SLC12A6: variants seen among roughly 807,000 people sequenced by gnomAD.
The protein encoded by SLC12A6 is K-Cl cotransporter 3.
A neutral mutation model predicts 135.3 loss-of-function variants in SLC12A6; 66 were observed. That is an observed-to-expected ratio of 0.49 (90% CI 0.40 to 0.60). The LOEUF is 0.60. Ranked by LOEUF, SLC12A6 falls within the 20% of genes least tolerant of loss-of-function variation. The probability of loss-of-function intolerance (pLI) is 0.00; values close to 1 mark genes in which losing one functional copy is unlikely to be tolerated. For missense variants in SLC12A6, 1,058 were observed against 1,452.3 expected (o/e 0.73, Z 4.41); for synonymous variants, 513 against 508.8 (o/e 1.01, Z -0.11).
chr15:34,284,651 T>C lies in SLC12A6; in HGVS notation c.272-9262A>G, dbSNP rs181166250. ...TGAGAACCTTCTACATGTGAAACAC[T>C]ATTCTAGTTACTAGAAATGTAGTAA... On this transcript the variant is annotated intron_variant, in intron 2 of 25. Coordinates refer to ENST00000354181, the MANE Select transcript of SLC12A6 (RefSeq NM_001365088.1). 3.9e-5 allele frequency among the ~76,000 whole-genome samples: 6 copies of C among 152,302 alleles called. No individual in the cohort carries two copies. The East Asian group carries it at 1.2e-3, about 29-fold the overall frequency.
At chr15:34,237,845 A>G (rs1891376880) in intron 21 of SLC12A6, among the ~76,000 whole-genome samples, 1 of 152,238 alleles carries the variant, frequency 6.6e-6, no homozygotes, top group South Asian at 2.1e-4. Context: ...CAATGACAAC[A>G]TGCAGACTAT....
At chr15:34,237,896 G>A (rs567769030) in intron 21 of SLC12A6, among the ~76,000 whole-genome samples, 2 of 152,208 alleles carry the variant, frequency 1.3e-5, no homozygotes, top group South Asian at 2.1e-4. Context: ...GTCTTACCAC[G>A]GAATGAGCGC....
chr15:34,273,157 C>A (rs1382046308), intron 3 of SLC12A6, among the ~76,000 whole-genome samples: 5 of 152,124 alleles, frequency 3.3e-5, no homozygotes. Context: ...TCGAGACCAG[C>A]CTGACCAATA....
chr15:34,243,408 A>G (rs968253640), intron 16 of SLC12A6, among the ~76,000 whole-genome samples: 1 of 152,318 alleles, frequency 6.6e-6, no homozygotes, highest in South Asian at 2.1e-4. Flanking sequence ...AAGAGGAAAG[A>G]GATGGGATGG....
At chr15:34,273,530 A>C (rs940679173) in intron 3 of SLC12A6, among the ~76,000 whole-genome samples, 2 of 152,212 alleles carry the variant, frequency 1.3e-5, no homozygotes, top group African/African-American at 4.8e-5. Context: ...ATGGTCTCAT[A>C]AACTCTTCTC....
intron 2 of SLC12A6, 45 bp from the exon 3 acceptor site, chr15:34,275,434 A>G (rs1032201731): frequency 1.9e-6 from 2 of 1,077,602 alleles, no homozygotes; most frequent in Non-Finnish European, 2.9e-6. Flanking sequence ...ATGAATGATC[A>G]AAACAAATAA....
At chr15:34,288,370 G>A (rs1020856014) in intron 2 of SLC12A6, among the ~76,000 whole-genome samples, 1 of 152,220 alleles carries the variant, frequency 6.6e-6, no homozygotes, top group Admixed American at 6.5e-5. Context: ...GTACCATGCT[G>A]TTTTGGATAC....
intron 3 of SLC12A6, among the ~76,000 whole-genome samples, chr15:34,262,123 A>G (rs182953560): frequency 6.6e-6 from 1 of 152,348 alleles, no homozygotes; most frequent in African/African-American, 2.4e-5. Flanking sequence ...CAAGTCCTGG[A>G]TAAATCCATG....
Position 34,265,917 on chromosome 15 carries a change from G to A in SLC12A6, c.317-4897C>T, listed in dbSNP as rs565382373. On this transcript the variant is annotated intron_variant, in intron 3 of 25. Coordinates refer to ENST00000354181, the MANE Select transcript of SLC12A6 (RefSeq NM_001365088.1). ...GAAAGACAGAAAGGAGCCAGACCACGTAAGTTAGTTAATGGATAGATTTTC... is the reference window on the plus strand; with the variant it reads ...GAAAGACAGAAAGGAGCCAGACCACATAAGTTAGTTAATGGATAGATTTTC... Among the ~76,000 whole-genome samples the A allele has an allele frequency of 7.3e-5, 11 of 151,542 alleles. No homozygotes were observed. In the South Asian group the frequency reaches 1.9e-3, roughly 26 times the overall value.
chr15:34,240,754 T>C lies in SLC12A6; in HGVS notation c.2343A>G (p.Ser781=). 6.2e-7 allele frequency: 1 copy of C among 1,613,854 alleles called. No homozygotes were observed. The change falls in exon 19 of 26, where the codon TCA becomes TCG. Residue 781 remains serine (S), a synonymous_variant. Coordinates refer to ENST00000354181, the MANE Select transcript of SLC12A6 (RefSeq NM_001365088.1). ...VKHPRLLTFA[S]QLKAGKGLTI... is the part of the protein sequence containing the mutation. ...TGAGACCTTTTCCTGCTTTGAGCTG[T>C]GAGGCAAAGGTGAGGAGGCGAGGAT...
At chr15:34,271,589 T>G (rs1893949524) in intron 3 of SLC12A6, among the ~76,000 whole-genome samples, 1 of 118,444 alleles carries the variant, frequency 8.4e-6, no homozygotes, top group South Asian at 2.9e-4. Flanking sequence ...AAAAATTTTT[T>G]TAAGTGCAAA....
chr15:34,315,796 G>A (rs898042486), intron 2 of SLC12A6, among the ~76,000 whole-genome samples: 9 of 152,008 alleles, frequency 5.9e-5, no homozygotes, highest in African/African-American at 1.7e-4. Context: ...TGGCTAACAC[G>A]GTGAAACCCC....
At position 34,263,489 on chromosome 15, in the gene SLC12A6, AT is replaced by A. The variant is rs200899185; in HGVS notation, c.317-2470del. ...ATTATTTTTGTACAAACCCTTCCAC[AT>A]TTTTTTTTAATGTTAAAAGAGGCAT... is the stretch of plus-strand genomic sequence containing the variant. On this transcript the variant is annotated intron_variant, in intron 3 of 25. Coordinates refer to ENST00000354181, the MANE Select transcript of SLC12A6 (RefSeq NM_001365088.1). 4.7e-3 allele frequency among the ~76,000 whole-genome samples: 705 copies of A among 150,626 alleles called. 23 individuals carry two copies. Among genetic ancestry groups the A allele is most frequent in the Admixed American group, 0.039 (586 of 15,138 alleles).
intron 3 of SLC12A6, among the ~76,000 whole-genome samples, chr15:34,268,616 T>G (rs1893684557): frequency 6.6e-6 from 1 of 152,214 alleles, no homozygotes; most frequent in African/African-American, 2.4e-5. Context: ...GAGTTCAGCC[T>G]TCAAAAGTTT....
intron 5 of SLC12A6, among the ~76,000 whole-genome samples, 167 bp downstream of exon 5, chr15:34,258,646 G>T (rs1387640742): frequency 1.3e-5 from 2 of 152,220 alleles, no homozygotes; most frequent in Non-Finnish European, 2.9e-5. Context: ...AATTTAGACT[G>T]CATCATATGT....
chr15:34,289,612 AC>A (rs1418543031), intron 2 of SLC12A6, among the ~76,000 whole-genome samples: 18 of 152,124 alleles, frequency 1.2e-4, no homozygotes, highest in African/African-American at 3.4e-4. Context: ...CTGGTCCTGG[AC>A]TTTTTTTGGT....
intron 2 of SLC12A6, among the ~76,000 whole-genome samples, chr15:34,293,165 C>T (rs921001598): frequency 6.6e-6 from 1 of 150,770 alleles, no homozygotes; most frequent in Non-Finnish European, 1.5e-5. Flanking sequence ...CCTTAAGATA[C>T]GTGTTTTTTA....
chr15:34,257,759 G>GAC lies in SLC12A6; in HGVS notation c.571_572dup (p.Tyr192SerfsTer12), dbSNP rs775111365. On this transcript the variant is annotated frameshift_variant, in exon 6 of 26. Coordinates refer to ENST00000354181, the MANE Select transcript of SLC12A6 (RefSeq NM_001365088.1). LOFTEE classifies it high-confidence loss of function. ...AAATATTTTGTAGACATGGGAGGTAGACACCCATGAAGGTACCCATTTGGG... is the reference window on the plus strand; with the variant it reads ...AAATATTTTGTAGACATGGGAGGTAGACACACCCATGAAGGTACCCATTTGGG... 1 of 1,606,548 alleles carries GAC rather than the reference G, an allele frequency of 6.2e-7. No individual in the cohort carries two copies.
chr15:34,263,975 A>G (rs994434042), intron 3 of SLC12A6, among the ~76,000 whole-genome samples: 1 of 152,034 alleles, frequency 6.6e-6, no homozygotes, highest in African/African-American at 2.4e-5. Context: ...GAAACAACAC[A>G]TGACTCTGAA....
Sources: allele counts gnomAD v4.1 joint callset (sites outside exome capture counted in the v4.1 genomes callset), GRCh38; gene constraint gnomAD v4.1.1; transcripts MANE v1.5; gene names NCBI Gene and HGNC (gene_info 2026-07-23, HGNC 2026-07-21).